The following THAP3 variants were observed in gnomAD, a reference collection of about 807,000 sequenced individuals.
THAP3 encodes THAP domain containing 3.
THAP3 carries 12 observed loss-of-function variants against 17.7 expected under a neutral mutation model. That is an observed-to-expected ratio of 0.68 (90% CI 0.43 to 1.10). THAP3 has a LOEUF of 1.10. THAP3 is among the 50% of genes least tolerant of loss of function. The probability of loss-of-function intolerance (pLI) is 0.00; values close to 1 mark genes in which losing one functional copy is unlikely to be tolerated. For missense variants in THAP3, 289 were observed against 318.0 expected, an observed-to-expected ratio of 0.91 and a Z score of 0.69; for synonymous variants, 133 against 126.9, an observed-to-expected ratio of 1.05 and a Z score of -0.32.
chr1:6,634,157 G>T, downstream of THAP3: 1 of 1,400,082 alleles, frequency 7.1e-7, no homozygotes, highest in South Asian at 1.2e-5. Flanking sequence ...ATACACGGAA[G>T]AGCGCCAGCC....
rs756942642 is a variant in THAP3, at chr1:6,632,858, G to C, written c.501G>C (p.Leu167=). Residue 167 remains leucine, a synonymous_variant, in exon 6 of 6, where the codon CTG becomes CTC. Transcript: ENST00000054650. The part of the protein sequence containing the change: ...AVGRPTGPAG[L]RRTPNKQPSD... ...GCCGGCCGACTGGCCCTGCAGGCCT[G>C]AGAAGGACCCCCAACAAGCAGCCAT... The C allele has an allele frequency of 1.9e-6, 3 of 1,612,976 alleles. No individual in the cohort carries two copies. The highest frequency in any genetic ancestry group is 1.1e-5 in the South Asian group (1 of 91,088).
At chr1:6,626,857 C>G (rs538098867) in intron 2 of THAP3, among the ~76,000 whole-genome samples, 14 of 152,308 alleles carry the variant, frequency 9.2e-5, no homozygotes, top group African/African-American at 3.1e-4. Flanking sequence ...AAAAACAAAA[C>G]AAAACAAACA....
chr1:6,628,853 G>C (rs991838404), intron 3 of THAP3, among the ~76,000 whole-genome samples, 162 bp downstream of exon 3: 2 of 152,192 alleles, frequency 1.3e-5, no homozygotes, highest in Non-Finnish European at 2.9e-5. Flanking sequence ...CTGTGGCCCT[G>C]CTGGCCATGA....
At position 6,633,280 on chromosome 1, in the gene THAP3, G is replaced by A. The variant is rs1049958095; in HGVS notation, c.*203G>A. 21 of 1,430,938 alleles carry A rather than the reference G, an allele frequency of 1.5e-5. No individual in the cohort carries two copies. The African/African-American group carries it at 3.0e-4, about 21-fold the overall frequency. The allele number at this position is 1,430,938 out of a possible 1,614,324, so 88.6% of individuals were successfully genotyped here. On this transcript the variant is annotated 3_prime_UTR_variant, in exon 6 of 6. Coordinates refer to ENST00000054650, the MANE Select transcript of THAP3 (RefSeq NM_001195753.2). ...GGGACGTTTAGAGGCGTGGCACTAG[G>A]AGTGCACATCTGTGAGCATGACAAG...
intron 3 of THAP3, among the ~76,000 whole-genome samples, chr1:6,629,877 A>G (rs565639138): frequency 3.9e-5 from 6 of 152,312 alleles, no homozygotes; most frequent in African/African-American, 1.4e-4. Flanking sequence ...GAAGCTGGGT[A>G]CGGCCTCTGC....
At chr1:6,631,161 T>TGCCCA (rs1428783384) in intron 4 of THAP3, among the ~76,000 whole-genome samples, 1 of 148,526 alleles carries the variant, frequency 6.7e-6, no homozygotes, top group Non-Finnish European at 1.5e-5. Context: ...TGTGCTACCA[T>TGCCCA]GCCCAGCTAA....
At position 6,628,444 on chromosome 1, in the gene THAP3, C is replaced by G. The variant is rs1641519573; in HGVS notation, c.75-55C>G. ...AGTGATGTGAAAATTCCGAATGACT[C>G]TGAGGCGCTGGGTCCAGCCTTGCTG... is the stretch of plus-strand genomic sequence containing the variant. On this transcript the variant is annotated intron_variant, in intron 2 of 5. Coordinates refer to ENST00000054650, the MANE Select transcript of THAP3 (RefSeq NM_001195753.2). The G allele has an allele frequency of 1.0e-5, 15 of 1,490,726 alleles. No homozygotes were observed. In the South Asian group the frequency reaches 1.8e-4, roughly 18 times the overall value. 92.3% of individuals were successfully genotyped at this position (1,490,726 alleles called of 1,614,324 possible). A position where few individuals can be genotyped will look rare whatever the true frequency, so the allele number is the denominator to read the frequency against.
intron 4 of THAP3, among the ~76,000 whole-genome samples, chr1:6,632,077 G>A: frequency 6.6e-6 from 1 of 150,948 alleles, no homozygotes; most frequent in East Asian, 1.9e-4. Flanking sequence ...TTAGCCAGGC[G>A]TGGTGGCACA....
chr1:6,634,650 G>A (rs1266264075), downstream of THAP3: 1 of 1,366,500 alleles, frequency 7.3e-7, no homozygotes, highest in Non-Finnish European at 9.8e-7. Flanking sequence ...GGCCGTGGAG[G>A]GGGTCCTAGC....
At chr1:6,634,091 G>T, downstream of THAP3, 1 of 1,613,412 alleles carries the variant, frequency 6.2e-7, no homozygotes. Context: ...AGGAGTGAAG[G>T]ATGGGGAGGA....
Position 6,630,829 on chromosome 1 carries a change from C to CA in THAP3, c.333+477dup, listed in dbSNP as rs1641590311. ...TCAGGTGATCCACCCACCTCTGCCT[C>CA]ACAAAGTGCTGGGATTATAGGTGTG... is the stretch of plus-strand genomic sequence containing the variant. On this transcript the variant is annotated intron_variant, in intron 4 of 5. Transcript: ENST00000054650. Among the ~76,000 whole-genome samples, 3 of 152,184 alleles carry CA rather than the reference C, an allele frequency of 2.0e-5. No homozygotes were observed. The South Asian group carries it at 6.2e-4, about 32-fold the overall frequency.
chr1:6,633,053 A>T lies in THAP3; in HGVS notation c.696A>T (p.Arg232Ser), dbSNP rs879152397. The T allele has an allele frequency of 6.2e-7, 1 of 1,606,260 alleles. No homozygotes were observed. The highest frequency in any genetic ancestry group is 1.1e-5 in the South Asian group (1 of 90,334). The change falls in exon 6 of 6, where the codon AGA (arginine) becomes AGT (serine). Residue 232 changes from arginine (R) to serine (S), a missense_variant. By Grantham distance (110) the Arg-to-Ser change is moderately radical. Coordinates refer to ENST00000054650, the MANE Select transcript of THAP3 (RefSeq NM_001195753.2). ...ACKGHQGLQARLGPEQQS is the reference protein window; with the variant it reads ...ACKGHQGLQASLGPEQQS Reference sequence around the variant, plus strand: ...AAGGGCACCAGGGACTCCAGGCCAGACTTGGGCCAGAGCAGCAGAGCTGAG... The same window carrying T: ...AAGGGCACCAGGGACTCCAGGCCAGTCTTGGGCCAGAGCAGCAGAGCTGAG...
intron 2 of THAP3, among the ~76,000 whole-genome samples, chr1:6,627,239 C>T (rs1200168433): frequency 6.6e-6 from 1 of 152,212 alleles, no homozygotes; most frequent in Admixed American, 6.5e-5. Flanking sequence ...AGGGGCCCAT[C>T]TCACCCAGGC....
At chr1:6,635,477 G>C, downstream of THAP3, 1 of 580,598 alleles carries the variant, frequency 1.7e-6, no homozygotes, top group Non-Finnish European at 3.0e-6. Context: ...TTCCCAGTGG[G>C]GCTGCCTCAG....
downstream of THAP3, chr1:6,634,689 A>T: frequency 4.4e-6 from 6 of 1,366,120 alleles, no homozygotes; most frequent in Non-Finnish European, 5.9e-6. Flanking sequence ...CCAAGTGGGC[A>T]CGTGGAGGAA....
At chr1:6,628,387 A>C (rs745954293) in intron 2 of THAP3, 112 bp from the exon 3 acceptor site, 51 of 827,846 alleles carry the variant, frequency 6.2e-5, no homozygotes, top group Non-Finnish European at 8.6e-5. Flanking sequence ...GAGAGGACTG[A>C]ATGTCCACAG....
rs544719693 is a variant in THAP3, at chr1:6,632,607, G to A, written c.438+112G>A. ...GACCTGTGTGGCCGAGGCAGGGTGT[G>A]CAGCCTGGGTTTCAGAGCTCCCCAG... On this transcript the variant is annotated intron_variant, in intron 5 of 5. Transcript: ENST00000054650. 2.6e-6 allele frequency: 4 copies of A among 1,514,316 alleles called. No homozygotes were observed. In the South Asian group the frequency reaches 3.7e-5, roughly 14 times the overall value. The allele number at this position is 1,514,316 out of a possible 1,614,324, so 93.8% of individuals were successfully genotyped here. A position where few individuals can be genotyped will look rare whatever the true frequency, so the allele number is the denominator to read the frequency against.
chr1:6,635,150 A>G (rs1641737388), downstream of THAP3: 1 of 170,600 alleles, frequency 5.9e-6, no homozygotes, highest in Admixed American at 5.5e-5. Context: ...TAAACCCGCA[A>G]TCTGCTCCAG....
intron 4 of THAP3, 161 bp from the exon 5 acceptor site, chr1:6,632,230 T>TCAGTTC (rs1641635315): frequency 1.2e-6 from 1 of 836,732 alleles, no homozygotes; most frequent in African/African-American, 1.7e-5. Context: ...AAAAAAAAGT[T>TCAGTTC]CAGTTCCAGG....
Sources: allele counts gnomAD v4.1 joint callset (sites outside exome capture counted in the v4.1 genomes callset), GRCh38; gene constraint gnomAD v4.1.1; transcripts MANE v1.5; gene names NCBI Gene and HGNC (gene_info 2026-07-23, HGNC 2026-07-21).